AGTPBP1: variants seen among roughly 807,000 people sequenced by gnomAD.
The protein encoded by AGTPBP1 is ATP/GTP binding carboxypeptidase 1.
In AGTPBP1, 70 loss-of-function variants were observed where a neutral mutation model predicts 143.9. That is an observed-to-expected ratio of 0.49 (90% CI 0.40 to 0.59). The LOEUF (loss-of-function observed/expected upper bound fraction) is 0.59, where lower values mean the gene tolerates loss of function less well. Ranked by LOEUF, AGTPBP1 falls within the 20% of genes least tolerant of loss-of-function variation. The probability of loss-of-function intolerance (pLI) is 0.00; values close to 1 mark genes in which losing one functional copy is unlikely to be tolerated. For missense variants in AGTPBP1, 1,229 were observed against 1,464.5 expected (o/e 0.84, Z 2.62); for synonymous variants, 463 against 500.2 (o/e 0.93, Z 0.99).
At chr9:85,704,980 G>A (rs780845428) in intron 2 of AGTPBP1, among the ~76,000 whole-genome samples, 14 of 151,660 alleles carry the variant, frequency 9.2e-5, no homozygotes, top group African/African-American at 1.7e-4. Context: ...TTGAGGACAC[G>A]CAATAAAAAG....
intron 3 of AGTPBP1, among the ~76,000 whole-genome samples, chr9:85,690,539 G>A (rs946584064): frequency 2.0e-5 from 3 of 152,152 alleles, no homozygotes; most frequent in Non-Finnish European, 4.4e-5. Flanking sequence ...ATGGTCAGGA[G>A]TACTTTCAGT....
intron 23 of AGTPBP1, among the ~76,000 whole-genome samples, chr9:85,581,806 G>A (rs1376274694): frequency 6.6e-6 from 1 of 152,068 alleles, no homozygotes; most frequent in Non-Finnish European, 1.5e-5. Context: ...GCAAATACAT[G>A]ATTTAACTTC....
intron 8 of AGTPBP1, among the ~76,000 whole-genome samples, chr9:85,668,844 T>A (rs1442223710): frequency 6.6e-6 from 1 of 151,150 alleles, no homozygotes; most frequent in African/African-American, 2.4e-5. Context: ...TAAAAAAAAA[T>A]TTTAAAGAAA....
At chr9:85,549,540 G>C (rs1250219493) in intron 25 of AGTPBP1, among the ~76,000 whole-genome samples, 2 of 152,164 alleles carry the variant, frequency 1.3e-5, no homozygotes, top group Non-Finnish European at 2.9e-5. Context: ...GAATATTGCA[G>C]AGTTAATCAA....
chr9:85,690,761 G>A (rs1835814972), intron 3 of AGTPBP1, among the ~76,000 whole-genome samples: 1 of 151,416 alleles, frequency 6.6e-6, no homozygotes, highest in Non-Finnish European at 1.5e-5. Context: ...TTTCAGTGGT[G>A]GGAAGAGGGT....
chr9:85,700,858 C>T (rs10780739), intron 2 of AGTPBP1, among the ~76,000 whole-genome samples: 54,374 of 152,068 alleles, frequency 0.36, 12,459 homozygotes, highest in African/African-American at 0.64. Flanking sequence ...GAGGTATCTA[C>T]TACATCAGCT....
intron 25 of AGTPBP1, among the ~76,000 whole-genome samples, chr9:85,570,475 T>C (rs1426109804): frequency 6.6e-6 from 1 of 152,184 alleles, no homozygotes; most frequent in Non-Finnish European, 1.5e-5. Flanking sequence ...ACCTAATGAT[T>C]TGGGAAAAAC....
At chr9:85,636,525 G>A (rs955845468) in intron 13 of AGTPBP1, among the ~76,000 whole-genome samples, 8 of 152,112 alleles carry the variant, frequency 5.3e-5, no homozygotes, top group Middle Eastern at 3.4e-3. Flanking sequence ...CCAAAGTGCT[G>A]GGATTACAGG....
At chr9:85,582,953 A>T (rs1027577746) in intron 23 of AGTPBP1, among the ~76,000 whole-genome samples, 1 of 152,166 alleles carries the variant, frequency 6.6e-6, no homozygotes, top group Admixed American at 6.5e-5. Context: ...TAAGAATCTG[A>T]GATACTAAGA....
the AGTPBP1 span, among the ~76,000 whole-genome samples, chr9:85,803,747 C>CCTTTATTTATTACAAAACCT: frequency 2.6e-5 from 4 of 152,202 alleles, no homozygotes; most frequent in African/African-American, 9.6e-5. Context: ...TTATTTCTAA[C>CCTTTATTTATTACAAAACCT]TTATTAGTGT....
At chr9:85,752,704 T>A in the AGTPBP1 span, among the ~76,000 whole-genome samples, 3 of 152,216 alleles carry the variant, frequency 2.0e-5, no homozygotes, top group African/African-American at 7.2e-5. Flanking sequence ...GTACAATTAT[T>A]ATTTGTCAAT....
At chr9:85,732,583 A>G (rs1838962627) in intron 1 of AGTPBP1, among the ~76,000 whole-genome samples, 1 of 152,218 alleles carries the variant, frequency 6.6e-6, no homozygotes, top group Non-Finnish European at 1.5e-5. Flanking sequence ...AAAACAGCTA[A>G]TATGGCATAT....
intron 7 of AGTPBP1, 54 bp from the exon 8 acceptor site, chr9:85,669,632 T>A: frequency 8.2e-7 from 1 of 1,221,072 alleles, no homozygotes; most frequent in Non-Finnish European, 1.2e-6. Context: ...CAACCAAAAA[T>A]GTGTATACTT....
chr9:85,672,416 G>A (rs921170906), intron 7 of AGTPBP1, 134 bp downstream of exon 7: 2 of 1,048,914 alleles, frequency 1.9e-6, no homozygotes, highest in African/African-American at 3.2e-5. Flanking sequence ...GGAGTCAAGA[G>A]TTAAAATGAG....
At chr9:85,635,688 G>A (rs1388126172) in intron 13 of AGTPBP1, among the ~76,000 whole-genome samples, 1 of 152,002 alleles carries the variant, frequency 6.6e-6, no homozygotes, top group African/African-American at 2.4e-5. Flanking sequence ...GTGACCTTGG[G>A]TACAGATTTT....
At chr9:85,621,145 C>A in intron 15 of AGTPBP1, 57 bp downstream of exon 15, 1 of 998,426 alleles carries the variant, frequency 1.0e-6, no homozygotes, top group Non-Finnish European at 1.4e-6. Context: ...AGAAATAATA[C>A]TAAAATTTTA....
At chr9:85,625,350 T>A (rs1360739716) in intron 14 of AGTPBP1, among the ~76,000 whole-genome samples, 1 of 152,222 alleles carries the variant, frequency 6.6e-6, no homozygotes, top group Non-Finnish European at 1.5e-5. Flanking sequence ...AATAGAATGT[T>A]ATGCTCAATT....
intron 17 of AGTPBP1, among the ~76,000 whole-genome samples, chr9:85,604,700 G>A (rs2133364047): frequency 6.6e-6 from 1 of 152,258 alleles, no homozygotes; most frequent in East Asian, 1.9e-4. Context: ...ATTCAAACTA[G>A]ATGTTTTGAG....
At chr9:85,718,188 C>A (rs967642685) in intron 1 of AGTPBP1, among the ~76,000 whole-genome samples, 8 of 152,256 alleles carry the variant, frequency 5.3e-5, no homozygotes, top group Middle Eastern at 3.4e-3. Flanking sequence ...TGAGTATATA[C>A]CCAGTAATGG....
Sources: allele counts gnomAD v4.1 joint callset (sites outside exome capture counted in the v4.1 genomes callset), GRCh38; gene constraint gnomAD v4.1.1; transcripts MANE v1.5; gene names NCBI Gene and HGNC (gene_info 2026-07-23, HGNC 2026-07-21).